The following MDGA2 variants were observed in gnomAD, a reference collection of about 807,000 sequenced individuals.
MDGA2 encodes the protein MAM domain-containing glycosylphosphatidylinositol anchor protein 2.
A neutral mutation model predicts 117.8 loss-of-function variants in MDGA2; 40 were observed. That is an observed-to-expected ratio of 0.34 (90% CI 0.26 to 0.44). MDGA2 has a LOEUF of 0.44. MDGA2 is among the 20% of genes least tolerant of loss of function. The pLI is 1.00. For missense variants in MDGA2, 1,123 were observed against 1,250.6 expected, an observed-to-expected ratio of 0.90 and a Z score of 1.54; for synonymous variants, 452 against 439.0, an observed-to-expected ratio of 1.03 and a Z score of -0.37.
chr14:46,934,099 T>G (rs1884691511), intron 9 of MDGA2, among the ~76,000 whole-genome samples: 1 of 151,736 alleles, frequency 6.6e-6, no homozygotes, highest in South Asian at 2.1e-4. Context: ...AGTAGGAAAT[T>G]GCCTAGGACT....
At chr14:46,867,803 A>G (rs1881835326) in intron 14 of MDGA2, among the ~76,000 whole-genome samples, 1 of 152,006 alleles carries the variant, frequency 6.6e-6, no homozygotes. Flanking sequence ...TACTTTTATA[A>G]TATGCATTTC....
At chr14:47,552,374 C>A (rs1401555274) in intron 1 of MDGA2, among the ~76,000 whole-genome samples, 1 of 152,232 alleles carries the variant, frequency 6.6e-6, no homozygotes, top group East Asian at 1.9e-4. Context: ...ATGTCCAAAA[C>A]TGGCTTTGAG....
At chr14:47,146,020 TACAGTA>T (rs1882929356) in intron 3 of MDGA2, among the ~76,000 whole-genome samples, 1 of 152,156 alleles carries the variant, frequency 6.6e-6, no homozygotes, top group East Asian at 1.9e-4. Context: ...GGAAATAACC[TACAGTA>T]TTTATATGGA....
At chr14:47,492,880 T>C (rs1361568974) in intron 1 of MDGA2, among the ~76,000 whole-genome samples, 6 of 152,112 alleles carry the variant, frequency 3.9e-5, no homozygotes, top group African/African-American at 1.4e-4. Flanking sequence ...TAATTCAAGG[T>C]GAGACAGTTA....
chr14:47,615,139 T>C (rs532905146), intron 1 of MDGA2, among the ~76,000 whole-genome samples: 1 of 152,280 alleles, frequency 6.6e-6, no homozygotes, highest in Non-Finnish European at 1.5e-5. Context: ...TTTATATTCT[T>C]TCTCATAGAT....
At chr14:47,616,666 A>C (rs939720052) in intron 1 of MDGA2, among the ~76,000 whole-genome samples, 19 of 152,118 alleles carry the variant, frequency 1.2e-4, no homozygotes. Flanking sequence ...AAATCTCACT[A>C]ATTTCTAAAG....
rs114496846 is a variant in MDGA2, at chr14:47,651,643, G to T, written c.280+22874C>A. Among the ~76,000 whole-genome samples, 1,176 of 152,190 alleles carry T rather than the reference G, an allele frequency of 7.7e-3. 17 individuals carry two copies. Among genetic ancestry groups the T allele is most frequent in the African/African-American group, 0.027 (1,133 of 41,520 alleles). On this transcript the variant is annotated intron_variant, in intron 1 of 16. Coordinates refer to ENST00000399232, the MANE Select transcript of MDGA2 (RefSeq NM_001113498.3). Reference sequence around the variant, plus strand: ...TGTAGGGAGTTATATGAAGCATGAGGAAGGGGTACTCACAGGGCAAATGGG... The same window carrying T: ...TGTAGGGAGTTATATGAAGCATGAGTAAGGGGTACTCACAGGGCAAATGGG...
intron 2 of MDGA2, among the ~76,000 whole-genome samples, chr14:47,273,553 A>C (rs1486971026): frequency 1.3e-5 from 2 of 152,168 alleles, no homozygotes; most frequent in Non-Finnish European, 2.9e-5. Flanking sequence ...AAATCATATT[A>C]ATGGCCTGGT....
At chr14:47,455,536 GA>G (rs1423617957) in intron 1 of MDGA2, among the ~76,000 whole-genome samples, 1 of 151,970 alleles carries the variant, frequency 6.6e-6, no homozygotes, top group Non-Finnish European at 1.5e-5. Flanking sequence ...GCATGTAAAA[GA>G]GTGGCACATT....
At chr14:47,644,665 C>A (rs1483368480) in intron 1 of MDGA2, among the ~76,000 whole-genome samples, 2 of 150,148 alleles carry the variant, frequency 1.3e-5, no homozygotes, top group Non-Finnish European at 3.0e-5. Context: ...AGACAGTTAA[C>A]AATATTGTAC....
intron 14 of MDGA2, among the ~76,000 whole-genome samples, chr14:46,867,947 T>C (rs958556605): frequency 1.3e-5 from 2 of 151,770 alleles, no homozygotes; most frequent in Non-Finnish European, 2.9e-5. Flanking sequence ...TTTTACAATC[T>C]ATAATGTCTT....
intron 1 of MDGA2, among the ~76,000 whole-genome samples, chr14:47,528,370 A>G (rs1895017518): frequency 6.6e-6 from 1 of 152,216 alleles, no homozygotes; most frequent in Non-Finnish European, 1.5e-5. Flanking sequence ...CTTATCTTCT[A>G]GTTGTTTACA....
At chr14:47,110,127 G>T (rs1361632788) in intron 5 of MDGA2, among the ~76,000 whole-genome samples, 3 of 151,206 alleles carry the variant, frequency 2.0e-5, no homozygotes, top group Non-Finnish European at 2.9e-5. Context: ...ACAAGGAGAT[G>T]GCAAAGCATT....
intron 1 of MDGA2, among the ~76,000 whole-genome samples, chr14:47,662,838 G>T (rs1897875239): frequency 6.6e-6 from 1 of 152,148 alleles, no homozygotes; most frequent in Non-Finnish European, 1.5e-5. Context: ...ATATTGTAGG[G>T]AATGGTCATA....
chr14:46,944,067 C>T (rs906805745), intron 9 of MDGA2, among the ~76,000 whole-genome samples: 1 of 151,726 alleles, frequency 6.6e-6, no homozygotes, highest in African/African-American at 2.4e-5. Flanking sequence ...ATACCTAATC[C>T]TCTTCATTTA....
At chr14:47,567,986 C>A (rs1232676590) in intron 1 of MDGA2, among the ~76,000 whole-genome samples, 16 of 152,034 alleles carry the variant, frequency 1.1e-4, no homozygotes, top group Non-Finnish European at 4.4e-5. Flanking sequence ...AAGAATCTAG[C>A]CTTACAGGTT....
chr14:47,076,934 T>C (rs1890518060), intron 6 of MDGA2, among the ~76,000 whole-genome samples: 1 of 152,158 alleles, frequency 6.6e-6, no homozygotes, highest in African/African-American at 2.4e-5. Flanking sequence ...GTGAAAATCC[T>C]GCACATTTCT....
rs572097171 is a variant in MDGA2, at chr14:47,432,637, A to G, written c.281-131087T>C. Among the ~76,000 whole-genome samples the G allele has an allele frequency of 3.9e-5, 6 of 152,196 alleles. No individual in the cohort carries two copies. The East Asian group carries it at 1.2e-3, about 29-fold the overall frequency. ...TTATACTTTCTGTGCCCTTCTGACAAAAAGAATGGTTGCCTTGAATATAAA... is the reference window on the plus strand; with the variant it reads ...TTATACTTTCTGTGCCCTTCTGACAGAAAGAATGGTTGCCTTGAATATAAA... On this transcript the variant is annotated intron_variant, in intron 1 of 16. Coordinates refer to ENST00000399232, the MANE Select transcript of MDGA2 (RefSeq NM_001113498.3).
chr14:47,248,052 G>C (rs1332792742), intron 2 of MDGA2, among the ~76,000 whole-genome samples: 1 of 151,476 alleles, frequency 6.6e-6, no homozygotes, highest in Non-Finnish European at 1.5e-5. Flanking sequence ...ATCATTGATG[G>C]GCATTTGGAT....
Sources: gnomAD v4.1 joint callset for allele counts (sites outside exome capture counted in the v4.1 genomes callset) on GRCh38, gnomAD v4.1.1 for gene constraint, MANE v1.5 for transcripts, NCBI Gene and HGNC (gene_info 2026-07-23, HGNC 2026-07-21) for gene names.